Variants in SLC24A2 observed in about 807,000 individuals in gnomAD.
SLC24A2 encodes solute carrier family 24 member 2.
In SLC24A2, 36 loss-of-function variants were observed where a neutral mutation model predicts 62.0. The ratio of observed to expected loss-of-function variants is 0.58; its 90% CI spans 0.44 to 0.77. The LOEUF (loss-of-function observed/expected upper bound fraction) is 0.77. Among genes scored for constraint, SLC24A2 ranks in the 30% least tolerant of loss-of-function variants. The pLI, the probability that SLC24A2 is intolerant of heterozygous loss-of-function variation, is 0.00. For synonymous variants in SLC24A2, 358 were observed against 294.0 expected (o/e 1.22, Z -2.23); for missense variants, 846 against 817.9 (o/e 1.03, Z -0.42).
chr9:19,551,458 C>T (rs1834842801), intron 7 of SLC24A2, among the ~76,000 whole-genome samples: 1 of 152,110 alleles, frequency 6.6e-6, no homozygotes, highest in Admixed American at 6.5e-5. Context: ...GCTGAGCCCT[C>T]AATACTTCCA....
At chr9:19,911,141 C>T in the SLC24A2 span, among the ~76,000 whole-genome samples, 4 of 142,136 alleles carry the variant, frequency 2.8e-5, no homozygotes, top group African/African-American at 1.0e-4. Flanking sequence ...TTGTTCAATT[C>T]CCACCTATGA....
At chr9:19,910,454 G>C in the SLC24A2 span, among the ~76,000 whole-genome samples, 5 of 152,064 alleles carry the variant, frequency 3.3e-5, no homozygotes, top group African/African-American at 4.8e-5. Context: ...TGAGGCTATA[G>C]AGTTCACCCT....
the SLC24A2 span, among the ~76,000 whole-genome samples, chr9:19,962,357 G>C: frequency 5.3e-3 from 800 of 152,276 alleles, 6 homozygotes; most frequent in African/African-American, 0.017. Flanking sequence ...GCTCTTTTTG[G>C]TTCCATATGA....
the SLC24A2 span, chr9:19,929,002 A>C: frequency 2.6e-5 from 4 of 152,254 alleles, 1 homozygote; most frequent in Middle Eastern, 6.8e-3. Context: ...GTGTTCTTGC[A>C]CCTCCAAGAA....
chr9:20,104,610 G>C, the SLC24A2 span, among the ~76,000 whole-genome samples: 1 of 152,160 alleles, frequency 6.6e-6, no homozygotes, highest in Admixed American at 6.5e-5. Context: ...AGCTTCATAA[G>C]TGAAGGAGAA....
chr9:19,542,542 T>G (rs1176169009), intron 8 of SLC24A2, among the ~76,000 whole-genome samples: 1 of 152,160 alleles, frequency 6.6e-6, no homozygotes, highest in African/African-American at 2.4e-5. Context: ...ATGCTTCCAG[T>G]TTTTGCCCAT....
chr9:19,718,897 G>A (rs1820944030), intron 2 of SLC24A2, among the ~76,000 whole-genome samples: 1 of 152,286 alleles, frequency 6.6e-6, no homozygotes, highest in South Asian at 2.1e-4. Context: ...CTTGCCGTTT[G>A]AGATTTTAGA....
the SLC24A2 span, among the ~76,000 whole-genome samples, chr9:20,136,364 G>A: frequency 1.3e-5 from 2 of 152,164 alleles, no homozygotes; most frequent in African/African-American, 4.8e-5. Flanking sequence ...AGACAAAGGA[G>A]CTGAGAAGGA....
the SLC24A2 span, among the ~76,000 whole-genome samples, chr9:19,814,033 T>C: frequency 6.6e-6 from 1 of 152,176 alleles, no homozygotes. Context: ...TCTAGTGGCT[T>C]TAGTAGCCCC....
chr9:19,869,933 A>T, the SLC24A2 span, among the ~76,000 whole-genome samples: 1 of 152,178 alleles, frequency 6.6e-6, no homozygotes, highest in African/African-American at 2.4e-5. Flanking sequence ...ATGTAAAGTA[A>T]GTCTCCTAGC....
At chr9:20,290,925 A>G in the SLC24A2 span, among the ~76,000 whole-genome samples, 3 of 152,330 alleles carry the variant, frequency 2.0e-5, no homozygotes, top group East Asian at 1.9e-4. Context: ...GCATTGACCC[A>G]TATGGCATCT....
At chr9:20,217,753 T>G in the SLC24A2 span, among the ~76,000 whole-genome samples, 1,056 of 152,344 alleles carry the variant, frequency 6.9e-3, 18 homozygotes, top group African/African-American at 0.024. Context: ...GGAGAATATC[T>G]GTTTCAAATT....
At chr9:19,736,866 T>G (rs2118745711) in intron 2 of SLC24A2, among the ~76,000 whole-genome samples, 1 of 152,124 alleles carries the variant, frequency 6.6e-6, no homozygotes, top group East Asian at 1.9e-4. Flanking sequence ...GAAATAATCT[T>G]ATACCATGCA....
the SLC24A2 span, among the ~76,000 whole-genome samples, chr9:19,948,824 A>G: frequency 9.0e-5 from 12 of 132,790 alleles, no homozygotes; most frequent in South Asian, 5.2e-4. Context: ...CCGCCTGGGC[A>G]ACAGAACGAG....
chr9:19,866,628 T>C, the SLC24A2 span, among the ~76,000 whole-genome samples: 1 of 16,084 alleles, frequency 6.2e-5, no homozygotes, highest in Non-Finnish European at 1.7e-4. Context: ...GTTTTCACTT[T>C]TTTTTTTTTT....
At chr9:19,818,879 T>A in the SLC24A2 span, among the ~76,000 whole-genome samples, 1 of 152,156 alleles carries the variant, frequency 6.6e-6, no homozygotes, top group South Asian at 2.1e-4. Context: ...AAAAAGAACC[T>A]GCATAGCCAA....
the SLC24A2 span, among the ~76,000 whole-genome samples, chr9:20,182,622 C>T: frequency 6.6e-6 from 1 of 152,148 alleles, no homozygotes; most frequent in Non-Finnish European, 1.5e-5. Context: ...ACATCACACA[C>T]CAGGGCCTGT....
intron 5 of SLC24A2, among the ~76,000 whole-genome samples, chr9:19,578,358 C>CAAAAAAAAAAA: frequency 7.4e-6 from 1 of 135,644 alleles, no homozygotes; most frequent in Non-Finnish European, 1.6e-5. Flanking sequence ...TGCAATAAGC[C>CAAAAAAAAAAA]AAAAAAAAAA....
At chr9:19,836,619 A>G in the SLC24A2 span, among the ~76,000 whole-genome samples, 4 of 152,328 alleles carry the variant, frequency 2.6e-5, no homozygotes, top group Admixed American at 2.6e-4. Context: ...CCAGGACCAG[A>G]TGGATTCACA....
Sources: gnomAD v4.1 joint callset for allele counts (sites outside exome capture counted in the v4.1 genomes callset) on GRCh38, gnomAD v4.1.1 for gene constraint, MANE v1.5 for transcripts, NCBI Gene and HGNC (gene_info 2026-07-23, HGNC 2026-07-21) for gene names.